The following SMIM41 variants were observed in gnomAD, a reference collection of about 807,000 sequenced individuals.
The protein encoded by SMIM41 is small integral membrane protein 41.
In SMIM41 at chr12:52,081,367, G is replaced by A. The variant is rs1215510641; in HGVS notation, c.*120+1186G>A. ...GCTGAGTGCCTGTGAGGGGCAGCGG[G>A]AGGGTGTGGGCAGGTGCAGCTAAGC... On this transcript the variant is annotated intron_variant, in intron 1 of 2. Transcript: ENST00000546390. This position sits in a 1 kb window ranked among gnomAD's most constrained non-coding sequence, Gnocchi z 4.1. Among the ~76,000 whole-genome samples the A allele has an allele frequency of 6.6e-6, 1 of 152,112 alleles. No homozygotes were observed. The highest frequency in any genetic ancestry group is 1.5e-5 in the Non-Finnish European group (1 of 67,998).
chr12:52,091,513 A>G (rs1445015951), intron 2 of SMIM41, among the ~76,000 whole-genome samples: 1 of 152,234 alleles, frequency 6.6e-6, no homozygotes, highest in Non-Finnish European at 1.5e-5. Context: ...ACCGGTTTGC[A>G]TGATAAGAGC....
In SMIM41 at chr12:52,097,682, G is replaced by C. The variant is rs140059939; in HGVS notation, c.*196-9697G>C. On this transcript the variant is annotated intron_variant, in intron 2 of 2. Transcript: ENST00000546390. The stretch of plus-strand genomic sequence containing the variant: ...ATACTGGGAACAATATCACAGGGGC[G>C]TGTATTCCCCCTTCCATATGGGAGT... Among the ~76,000 whole-genome samples the C allele has an allele frequency of 2.4e-3, 363 of 152,090 alleles. 2 individuals carry two copies. Among genetic ancestry groups the C allele is most frequent in the African/African-American group, 8.2e-3 (341 of 41,442 alleles).
At chr12:52,106,285 C>G (rs1565672881) in intron 2 of SMIM41, among the ~76,000 whole-genome samples, 1 of 152,196 alleles carries the variant, frequency 6.6e-6, no homozygotes, top group Admixed American at 6.5e-5. Context: ...TGAATTGACA[C>G]TTCCTTGGTT....
chr12:52,105,351 A>G (rs1940313834), intron 2 of SMIM41, among the ~76,000 whole-genome samples: 1 of 152,230 alleles, frequency 6.6e-6, no homozygotes, highest in Admixed American at 6.5e-5. Flanking sequence ...ACTTCCTCAA[A>G]GGAGTCATAA....
At chr12:52,089,637 A>AAAAC (rs1233144556) in intron 2 of SMIM41, among the ~76,000 whole-genome samples, 1 of 134,972 alleles carries the variant, frequency 7.4e-6, no homozygotes, top group African/African-American at 3.4e-5. Flanking sequence ...CAAAACAAAA[A>AAAAC]CCTGCAGGAG....
chr12:52,087,984 C>G (rs551825822), intron 2 of SMIM41, among the ~76,000 whole-genome samples: 42 of 152,346 alleles, frequency 2.8e-4, no homozygotes, highest in Non-Finnish European at 5.9e-4. Flanking sequence ...CACCTCTCGG[C>G]CCGTGGCTCT....
chr12:52,101,832 C>T (rs1205123648), intron 2 of SMIM41, among the ~76,000 whole-genome samples: 1 of 152,100 alleles, frequency 6.6e-6, no homozygotes, highest in Non-Finnish European at 1.5e-5. Context: ...CCTGCCTCCA[C>T]CTCCCGAGTA....
At chr12:52,088,580 C>T (rs1939929139) in intron 2 of SMIM41, among the ~76,000 whole-genome samples, 1 of 152,242 alleles carries the variant, frequency 6.6e-6, no homozygotes, top group African/African-American at 2.4e-5. Flanking sequence ...TTCCCCTCCA[C>T]AGCCAGTGCG....
At chr12:52,099,127 C>T (rs770677089) in intron 2 of SMIM41, among the ~76,000 whole-genome samples, 2 of 151,394 alleles carry the variant, frequency 1.3e-5, no homozygotes, top group African/African-American at 4.9e-5. Flanking sequence ...GATGTGTGTA[C>T]CCCCTGCGAT....
chr12:52,104,422 T>C (rs1355330329), intron 2 of SMIM41: 3,400 of 153,012 alleles, frequency 0.022, no homozygotes, highest in African/African-American at 0.075. Context: ...CCCTGTCTTC[T>C]TGCCAGCCTT....
At position 52,080,060 on chromosome 12, in the gene SMIM41, A is replaced by T. The variant is rs1290319; in HGVS notation, c.281A>T (p.Ter94LeuextTer15). Residue 94 changes from the stop codon to leucine, a stop_lost, in exon 1 of 3, where the codon TAG becomes TTG. Transcript: ENST00000546390. ...GGAGAGGACGGCGACGACGACTCCT[A>T]GGCGCCCGGCTGCGCTCGGTGGTCG... ...ASGEDGDDDS[*>L] The T allele has an allele frequency of 2.8e-6, 1 of 361,914 alleles. No individual in the cohort carries two copies. Among genetic ancestry groups the T allele is most frequent in the Admixed American group, 4.7e-5 (1 of 21,500 alleles). The allele number at this position is 361,914 out of a possible 1,614,324, so 22.4% of individuals were successfully genotyped here.
chr12:52,093,987 C>T (rs768946688), intron 2 of SMIM41, among the ~76,000 whole-genome samples: 8 of 151,456 alleles, frequency 5.3e-5, no homozygotes, highest in Admixed American at 3.3e-4. Context: ...AAGAATTAGC[C>T]GGGTGTGGTA....
intron 2 of SMIM41, among the ~76,000 whole-genome samples, chr12:52,084,375 AAAAAAAAAACAAAC>A (rs1342355032): frequency 4.0e-5 from 2 of 50,376 alleles, no homozygotes; most frequent in South Asian, 7.2e-4. Context: ...ATCAACCACA[AAAAAAAAAACAAAC>A]AAAAAAAAAC....
intron 2 of SMIM41, among the ~76,000 whole-genome samples, chr12:52,096,113 G>A (rs1940088872): frequency 2.0e-5 from 3 of 151,554 alleles, no homozygotes; most frequent in African/African-American, 7.3e-5. Context: ...TCCCTTCCTG[G>A]CTATTAGGAA....
At position 52,093,848 on chromosome 12, in the gene SMIM41, G is replaced by A. The variant is rs144018928; in HGVS notation, c.*195+9880G>A. ...GCAACCCTTTTGGAAAAATCTGGCC[G>A]GGTGGGGCGCGGTGGCTCACGCCTG... On this transcript the variant is annotated intron_variant, in intron 2 of 2. Coordinates refer to ENST00000546390, the MANE Select transcript of SMIM41 (RefSeq NM_001369216.1). Among the ~76,000 whole-genome samples the A allele has an allele frequency of 4.7e-4, 71 of 152,202 alleles. No individual in the cohort carries two copies. In the East Asian group the frequency reaches 0.013, roughly 29 times the overall value.
chr12:52,104,327 T>TACTC (rs1362621567), intron 2 of SMIM41: 56 of 150,424 alleles, frequency 3.7e-4, no homozygotes, highest in Middle Eastern at 3.3e-3. Context: ...GAATAGTAAA[T>TACTC]AGTCTGTGCC....
chr12:52,099,746 G>A (rs1274972299), intron 2 of SMIM41, among the ~76,000 whole-genome samples: 2 of 151,986 alleles, frequency 1.3e-5, no homozygotes, highest in African/African-American at 2.4e-5. Context: ...CGTGGGGGTC[G>A]TGGAAAACCC....
chr12:52,095,049 G>A lies in SMIM41; in HGVS notation c.*195+11081G>A, dbSNP rs528631159. On this transcript the variant is annotated intron_variant, in intron 2 of 2. Coordinates refer to ENST00000546390, the MANE Select transcript of SMIM41 (RefSeq NM_001369216.1). ...CAACCTCTGCCTTCTGGGCTCAAGC[G>A]ATCCTCCTGCCTCAGCCTCTGGAGT... is the stretch of plus-strand genomic sequence containing the variant. Among the ~76,000 whole-genome samples, 707 of 151,316 alleles carry A rather than the reference G, an allele frequency of 4.7e-3. 6 individuals are homozygous for A. Among genetic ancestry groups the A allele is most frequent in the African/African-American group, 0.016 (650 of 41,094 alleles).
At position 52,080,097 on chromosome 12, in the gene SMIM41, C is replaced by T. The variant is rs1939796196; in HGVS notation, c.*36C>T. The T allele has an allele frequency of 2.8e-6, 1 of 353,010 alleles. No individual in the cohort carries two copies. The highest frequency in any genetic ancestry group is 4.7e-5 in the Admixed American group (1 of 21,216). 21.9% of individuals were successfully genotyped at this position (353,010 alleles called of 1,614,324 possible). On this transcript the variant is annotated 3_prime_UTR_variant, in exon 1 of 3. Coordinates refer to ENST00000546390, the MANE Select transcript of SMIM41 (RefSeq NM_001369216.1). ...GCGCTCGGTGGTCGCGGCCTCCAGGCAGCCCCTGACTCCGAGCGGTCCGGA... is the reference window on the plus strand; with the variant it reads ...GCGCTCGGTGGTCGCGGCCTCCAGGTAGCCCCTGACTCCGAGCGGTCCGGA...
Sources: gnomAD v4.1 joint callset for allele counts (sites outside exome capture counted in the v4.1 genomes callset) on GRCh38, gnomAD v4.1.1 for gene constraint, Gnocchi (gnomAD v3.1) non-coding constraint, MANE v1.5 for transcripts, NCBI Gene and HGNC (gene_info 2026-07-23, HGNC 2026-07-21) for gene names.